The following MARCHF11 variants were observed in gnomAD, a reference collection of about 807,000 sequenced individuals.
The protein encoded by MARCHF11 is membrane associated ring-CH-type finger 11.
A neutral mutation model predicts 37.3 loss-of-function variants in MARCHF11; 29 were observed. The ratio of observed to expected loss-of-function variants is 0.78; its 90% confidence interval spans 0.58 to 1.06. The LOEUF (loss-of-function observed/expected upper bound fraction) is 1.06, where lower values mean the gene tolerates loss of function less well. Ranked by LOEUF, MARCHF11 falls within the 50% of genes least tolerant of loss-of-function variation. The probability of loss-of-function intolerance (pLI) is 0.00; values close to 1 mark genes in which losing one functional copy is unlikely to be tolerated. For missense variants in MARCHF11, 482 were observed against 533.4 expected, an observed-to-expected ratio of 0.90 and a Z score of 0.95; for synonymous variants, 233 against 228.0, an observed-to-expected ratio of 1.02 and a Z score of -0.20.
At chr5:16,112,720 G>C (rs1737167604) in intron 2 of MARCHF11, among the ~76,000 whole-genome samples, 1 of 152,170 alleles carries the variant, frequency 6.6e-6, no homozygotes, top group South Asian at 2.1e-4. Context: ...GGAGTGGGCA[G>C]TGGTGGAATG....
chr5:16,069,691 G>A (rs768746364), intron 3 of MARCHF11, among the ~76,000 whole-genome samples: 21 of 152,060 alleles, frequency 1.4e-4, no homozygotes, highest in Non-Finnish European at 2.8e-4. Flanking sequence ...AAGAAAGCGG[G>A]GAAAATCAGA....
intron 2 of MARCHF11, among the ~76,000 whole-genome samples, chr5:16,166,545 T>C (rs1325497216): frequency 6.6e-6 from 1 of 151,828 alleles, no homozygotes; most frequent in Admixed American, 6.6e-5. Flanking sequence ...AACACAGAAA[T>C]GGTTACATAC....
intron 2 of MARCHF11, among the ~76,000 whole-genome samples, chr5:16,116,809 C>T (rs577786472): frequency 6.6e-6 from 1 of 152,290 alleles, no homozygotes; most frequent in African/African-American, 2.4e-5. Flanking sequence ...AATGCATGAA[C>T]AGCATCTTTA....
intron 2 of MARCHF11, among the ~76,000 whole-genome samples, chr5:16,119,798 AG>A (rs1287176650): frequency 7.2e-5 from 11 of 152,302 alleles, no homozygotes; most frequent in African/African-American, 2.6e-4. Flanking sequence ...AAACCCCCCA[AG>A]GCTCTGTGTT....
chr5:16,115,059 T>C (rs1026250492), intron 2 of MARCHF11, among the ~76,000 whole-genome samples: 1 of 152,192 alleles, frequency 6.6e-6, no homozygotes, highest in African/African-American at 2.4e-5. Context: ...AAAAATGTCT[T>C]GCCTTCAGTG....
intron 2 of MARCHF11, among the ~76,000 whole-genome samples, chr5:16,097,026 AT>A (rs1287674166): frequency 1.3e-5 from 2 of 152,270 alleles, no homozygotes; most frequent in East Asian, 3.9e-4. Flanking sequence ...TAGTTAATAG[AT>A]TTATAGTATG....
At chr5:16,089,166 A>G (rs78248885) in intron 3 of MARCHF11, among the ~76,000 whole-genome samples, 2,293 of 152,160 alleles carry the variant, frequency 0.015, 44 homozygotes, top group African/African-American at 0.052. Flanking sequence ...TGAGGGCAAG[A>G]AAGTCAACTG....
At position 16,134,998 on chromosome 5, in the gene MARCHF11, T is replaced by TCTCTCACACACA. The variant is rs137865822; in HGVS notation, c.693+42727_693+42728insTGTGTGTGAGAG. On this transcript the variant is annotated intron_variant, in intron 2 of 3. Coordinates refer to ENST00000332432, the MANE Select transcript of MARCHF11 (RefSeq NM_001102562.3). ...TGATTTCTCTCTCTCTCTCTCTCTC[T>TCTCTCACACACA]CACACACACACACACACACACACAC... is the stretch of plus-strand genomic sequence containing the variant. Among the ~76,000 whole-genome samples the TCTCTCACACACA allele has an allele frequency of 2.9e-4, 41 of 143,802 alleles. 1 individual carries two copies. Among genetic ancestry groups the TCTCTCACACACA allele is most frequent in the African/African-American group, 9.0e-4 (35 of 38,882 alleles). The allele number at this position is 143,802 out of a possible 152,430, so 94.3% of individuals were successfully genotyped here. A position where few individuals can be genotyped will look rare whatever the true frequency, so the allele number is the denominator to read the frequency against.
rs559538547 is a variant in MARCHF11 at position 16,120,123 on chromosome 5, ATGT to A, written c.694-29045_694-29043del. Reference sequence around the variant, plus strand: ...GACTGTATCTGGTTTCTGGAAGTTAATGTTGGAAATGTAAAGCTTCACAGAAGC... The same window carrying A: ...GACTGTATCTGGTTTCTGGAAGTTAATGGAAATGTAAAGCTTCACAGAAGC... On this transcript the variant is annotated intron_variant, in intron 2 of 3. Transcript: ENST00000332432. Among the ~76,000 whole-genome samples the A allele has an allele frequency of 1.6e-3, 251 of 152,350 alleles. 2 individuals are homozygous for A. Among genetic ancestry groups the A allele is most frequent in the Non-Finnish European group, 2.4e-3 (162 of 68,032 alleles).
At chr5:16,160,386 T>C (rs949711612) in intron 2 of MARCHF11, among the ~76,000 whole-genome samples, 9 of 145,356 alleles carry the variant, frequency 6.2e-5, no homozygotes, top group Admixed American at 2.8e-4. Flanking sequence ...AATATAATAA[T>C]ATAATATATA....
At chr5:16,093,916 GCTC>G (rs1482725407) in intron 2 of MARCHF11, among the ~76,000 whole-genome samples, 2 of 152,104 alleles carry the variant, frequency 1.3e-5, no homozygotes, top group Non-Finnish European at 2.9e-5. Context: ...TCTATAGTGA[GCTC>G]CCTGAAATTT....
chr5:16,084,756 G>T (rs35957258), intron 3 of MARCHF11, among the ~76,000 whole-genome samples: 42,580 of 130,602 alleles, frequency 0.33, 7,550 homozygotes, highest in East Asian at 0.64. Flanking sequence ...AGAAGGAGCA[G>T]TTTTTTTTTT....
intron 2 of MARCHF11, among the ~76,000 whole-genome samples, chr5:16,123,389 C>T (rs1737345013): frequency 6.6e-6 from 1 of 152,096 alleles, no homozygotes; most frequent in Non-Finnish European, 1.5e-5. Context: ...CAGAGATGCC[C>T]TGAACAGACC....
intron 3 of MARCHF11, among the ~76,000 whole-genome samples, chr5:16,082,553 A>G (rs770841558): frequency 6.6e-6 from 1 of 152,164 alleles, no homozygotes; most frequent in Non-Finnish European, 1.5e-5. Context: ...TTCCTGCAGA[A>G]GCAGTTGTGC....
chr5:16,155,574 G>A (rs1018456075), intron 2 of MARCHF11, among the ~76,000 whole-genome samples: 11 of 151,898 alleles, frequency 7.2e-5, no homozygotes, highest in African/African-American at 2.2e-4. Flanking sequence ...CTCCCTAACT[G>A]ATTGGACAGA....
At chr5:16,117,931 C>A (rs1014115551) in intron 2 of MARCHF11, among the ~76,000 whole-genome samples, 1 of 152,172 alleles carries the variant, frequency 6.6e-6, no homozygotes, top group Non-Finnish European at 1.5e-5. Flanking sequence ...TGCTACTCTA[C>A]ATCGTGACAA....
intron 2 of MARCHF11, among the ~76,000 whole-genome samples, chr5:16,143,916 A>G (rs1394659728): frequency 3.9e-5 from 6 of 152,180 alleles, no homozygotes; most frequent in Non-Finnish European, 7.4e-5. Flanking sequence ...TAAGAGTCTA[A>G]GGCCTGTAGT....
At chr5:16,085,405 T>C (rs1278746288) in intron 3 of MARCHF11, among the ~76,000 whole-genome samples, 1 of 152,116 alleles carries the variant, frequency 6.6e-6, no homozygotes, top group Non-Finnish European at 1.5e-5. Context: ...ATGTGAGCCA[T>C]TTTTATTTTT....
At chr5:16,103,329 G>A (rs771494842) in intron 2 of MARCHF11, among the ~76,000 whole-genome samples, 1 of 152,142 alleles carries the variant, frequency 6.6e-6, no homozygotes, top group East Asian at 1.9e-4. Flanking sequence ...GGACAGACAA[G>A]GAGAAGTATG....
Sources: gnomAD v4.1 joint callset for allele counts (sites outside exome capture counted in the v4.1 genomes callset) on GRCh38, gnomAD v4.1.1 for gene constraint, MANE v1.5 for transcripts, NCBI Gene and HGNC (gene_info 2026-07-23, HGNC 2026-07-21) for gene names.